Variants in KCNT1 observed in about 807,000 individuals in gnomAD.
KCNT1 encodes potassium channel subfamily T member 1.
A neutral mutation model predicts 147.8 loss-of-function variants in KCNT1; 78 were observed. That is an observed-to-expected ratio of 0.53 (90% CI 0.44 to 0.64). The LOEUF is 0.64. KCNT1 is among the 30% of genes least tolerant of loss of function. The probability of loss-of-function intolerance (pLI) is 0.00; values close to 1 mark genes in which losing one functional copy is unlikely to be tolerated. For missense variants in KCNT1, 1,419 were observed against 1,750.3 expected (o/e 0.81, Z 3.38); for synonymous variants, 867 against 748.8 (o/e 1.16, Z -2.58).
intron 2 of KCNT1, among the ~76,000 whole-genome samples, chr9:135,739,567 C>T (rs1027996591): frequency 1.3e-5 from 2 of 152,164 alleles, no homozygotes; most frequent in Non-Finnish European, 1.5e-5. Context: ...ACACGCCCGG[C>T]GCCCCACCCT....
chr9:135,777,581 C>G, intron 21 of KCNT1, 71 bp downstream of exon 21: 4 of 1,450,992 alleles, frequency 2.8e-6, no homozygotes, highest in Non-Finnish European at 2.8e-6. Context: ...GCCTCCCCAA[C>G]TGGGCCCACC....
chr9:135,786,612 G>GCCCGGGC (rs1409732228), intron 29 of KCNT1, 91 bp downstream of exon 29: 51 of 1,231,352 alleles, frequency 4.1e-5, no homozygotes, highest in South Asian at 6.4e-5. Flanking sequence ...GCGTCCCGGG[G>GCCCGGGC]CCCGGGCCGT....
intron 24 of KCNT1, among the ~76,000 whole-genome samples, chr9:135,780,885 C>G (rs1556418): frequency 0.11 from 16,251 of 152,330 alleles, 1,213 homozygotes; most frequent in South Asian, 0.18. Context: ...GACAGGGATG[C>G]TGCCGTGGAG....
intron 24 of KCNT1, among the ~76,000 whole-genome samples, chr9:135,779,979 G>C (rs1261053330): frequency 5.9e-5 from 9 of 152,258 alleles, no homozygotes; most frequent in Admixed American, 5.2e-4. Flanking sequence ...CGGAGGGCCT[G>C]AGAGGGAAGG....
At chr9:135,707,405 A>C (rs1192503233) in intron 1 of KCNT1, among the ~76,000 whole-genome samples, 1 of 152,080 alleles carries the variant, frequency 6.6e-6, no homozygotes, top group African/African-American at 2.4e-5. Flanking sequence ...TGCTATGATC[A>C]CCATTGCCCC....
intron 1 of KCNT1, among the ~76,000 whole-genome samples, chr9:135,713,090 C>T (rs78287757): frequency 0.016 from 2,404 of 152,266 alleles, 91 homozygotes; most frequent in East Asian, 0.14. Flanking sequence ...AAAAGGCAGA[C>T]GGGGTGGGGA....
chr9:135,750,821 C>T (rs1831113859), intron 3 of KCNT1, 121 bp from the exon 4 acceptor site: 6 of 831,718 alleles, frequency 7.2e-6, no homozygotes, highest in Admixed American at 3.7e-5. Flanking sequence ...GCGTGCAGCC[C>T]GGGTGTGGGA....
At chr9:135,707,858 G>A (rs959608126) in intron 1 of KCNT1, among the ~76,000 whole-genome samples, 3 of 152,188 alleles carry the variant, frequency 2.0e-5, no homozygotes, top group Middle Eastern at 3.4e-3. Context: ...GCTTGATTTC[G>A]GCTCCTCCAT....
chr9:135,786,605 T>G, intron 29 of KCNT1, 84 bp downstream of exon 29: 1 of 1,314,138 alleles, frequency 7.6e-7, no homozygotes, highest in Non-Finnish European at 1.0e-6. Context: ...GGCCACGGCG[T>G]CCCGGGGCCC....
At chr9:135,732,058 A>G (rs1165736977) in intron 2 of KCNT1, among the ~76,000 whole-genome samples, 3 of 138,190 alleles carry the variant, frequency 2.2e-5, no homozygotes, top group South Asian at 2.5e-4. Flanking sequence ...TCACTCTGTC[A>G]TCCAGGCTGG....
At chr9:135,710,888 G>A (rs879352190) in intron 1 of KCNT1, among the ~76,000 whole-genome samples, 6 of 152,144 alleles carry the variant, frequency 3.9e-5, no homozygotes, top group East Asian at 1.9e-4. Context: ...TCCGTCTTCC[G>A]CCAGCGACAG....
chr9:135,715,522 C>T (rs997021031), intron 2 of KCNT1, among the ~76,000 whole-genome samples: 1 of 80,936 alleles, frequency 1.2e-5, no homozygotes, highest in South Asian at 4.9e-4. Context: ...GTGTAGGGTA[C>T]GGCAGGGTCG....
chr9:135,780,872 G>A (rs762259695), intron 24 of KCNT1, among the ~76,000 whole-genome samples: 2 of 152,264 alleles, frequency 1.3e-5, no homozygotes, highest in Non-Finnish European at 2.9e-5. Flanking sequence ...CTGACCCTGT[G>A]TGGACAGGGA....
At chr9:135,761,913 C>T (rs761595400) in intron 11 of KCNT1, among the ~76,000 whole-genome samples, 32 of 152,318 alleles carry the variant, frequency 2.1e-4, no homozygotes, top group Admixed American at 3.3e-4. Context: ...CACCCCAGAG[C>T]GAAGAGGAGC....
At chr9:135,761,040 A>T (rs1356726807) in intron 11 of KCNT1, among the ~76,000 whole-genome samples, 19 of 132,738 alleles carry the variant, frequency 1.4e-4, no homozygotes, top group Middle Eastern at 4.3e-3. Context: ...TTTTTTTTTT[A>T]AATTAGAGAT....
In KCNT1 at chr9:135,727,967, T is replaced by C. The variant is rs1428069323; in HGVS notation, c.254+13247T>C. Among the ~76,000 whole-genome samples the C allele has an allele frequency of 2.6e-5, 4 of 152,196 alleles. 1 individual carries two copies. The East Asian group carries it at 7.7e-4, about 29-fold the overall frequency. Reference sequence around the variant, plus strand: ...GCCCAAAACGCAGTCACAAAGTCCTTAAAAGAGGGCGGCAAAGAGGGTTAA... The same window carrying C: ...GCCCAAAACGCAGTCACAAAGTCCTCAAAAGAGGGCGGCAAAGAGGGTTAA... On this transcript the variant is annotated intron_variant, in intron 2 of 30. Coordinates refer to ENST00000371757, the MANE Select transcript of KCNT1 (RefSeq NM_020822.3).
At chr9:135,740,980 T>C (rs1216814382) in intron 2 of KCNT1, among the ~76,000 whole-genome samples, 1 of 148,598 alleles carries the variant, frequency 6.7e-6, no homozygotes, top group Non-Finnish European at 1.5e-5. Context: ...TGCACAGAGC[T>C]CCAGTCCTCA....
At position 135,777,140 on chromosome 9, in the gene KCNT1, C is replaced by T. The variant is rs184689138; in HGVS notation, c.2350-198C>T. Among the ~76,000 whole-genome samples the T allele has an allele frequency of 1.5e-3, 224 of 152,352 alleles. 6 individuals are homozygous for T. Among genetic ancestry groups the T allele is most frequent in the Admixed American group, 0.012 (181 of 15,306 alleles). On this transcript the variant is annotated intron_variant, in intron 20 of 30. Transcript: ENST00000371757. ...CACCCCTGACATGACTGCTCTGTGC[C>T]GCCTGTGGGTACAGCTGTGGCATCT...
intron 2 of KCNT1, among the ~76,000 whole-genome samples, chr9:135,747,087 G>A (rs544799593): frequency 5.3e-5 from 8 of 152,192 alleles, no homozygotes; most frequent in Admixed American, 1.3e-4. Context: ...CTTAATTCCC[G>A]GGCTGGGTGG....
Sources: gnomAD v4.1 joint callset for allele counts (sites outside exome capture counted in the v4.1 genomes callset) on GRCh38, gnomAD v4.1.1 for gene constraint, MANE v1.5 for transcripts, NCBI Gene and HGNC (gene_info 2026-07-23, HGNC 2026-07-21) for gene names.